The following KIF5C variants were observed in gnomAD, a reference collection of about 807,000 sequenced individuals.
KIF5C encodes the protein kinesin family member 5C, also known as kinesin heavy chain isoform 5C.
KIF5C carries 18 observed loss-of-function variants against 125.2 expected under a neutral mutation model. The observed-to-expected ratio is 0.14, with a 90% CI of 0.10 to 0.21. The LOEUF (loss-of-function observed/expected upper bound fraction) is 0.21, where lower values mean the gene tolerates loss of function less well. Ranked by LOEUF, KIF5C falls within the 10% of genes least tolerant of loss-of-function variation. The probability of loss-of-function intolerance (pLI) is 1.00; values close to 1 mark genes in which losing one functional copy is unlikely to be tolerated. For missense variants in KIF5C, 780 were observed against 1,183.8 expected (o/e 0.66, Z 5.01); for synonymous variants, 405 against 434.0 (o/e 0.93, Z 0.83).
chr2:148,908,630 C>T (rs562503134), intron 1 of KIF5C, among the ~76,000 whole-genome samples: 3 of 152,092 alleles, frequency 2.0e-5, no homozygotes, highest in South Asian at 2.1e-4. Context: ...TGGGGTCATC[C>T]GAGGATTCAG....
At chr2:148,878,028 T>C (rs1315766627) in intron 1 of KIF5C, 1 of 152,234 alleles carries the variant, frequency 6.6e-6, no homozygotes, top group East Asian at 1.9e-4. Context: ...AAGTAAGTTT[T>C]GCTCATCCTA....
intron 1 of KIF5C, among the ~76,000 whole-genome samples, chr2:148,894,169 C>T (rs1407041008): frequency 2.6e-5 from 4 of 152,198 alleles, no homozygotes; most frequent in African/African-American, 9.7e-5. Context: ...TCATTTTCCA[C>T]AGAATGAAAA....
Position 148,929,221 on chromosome 2 carries a change from C to T in KIF5C, c.218-60C>T, listed in dbSNP as rs1028920399. On this transcript the variant is annotated intron_variant, in intron 2 of 25. Coordinates refer to ENST00000435030, the MANE Select transcript of KIF5C (RefSeq NM_004522.3). ...GAAAATGTAATTTTAAAATATGCAA[C>T]CTACACCAGCATATGATCAAAGTAA... 7.7e-6 allele frequency: 8 copies of T among 1,040,098 alleles called. No individual in the cohort carries two copies. The African/African-American group carries it at 1.3e-4, about 16-fold the overall frequency. 64.4% of individuals were successfully genotyped at this position (1,040,098 alleles called of 1,614,324 possible). A position where few individuals can be genotyped will look rare whatever the true frequency, so the allele number is the denominator to read the frequency against.
intron 1 of KIF5C, among the ~76,000 whole-genome samples, chr2:148,919,508 A>G (rs1681697497): frequency 6.6e-6 from 1 of 152,218 alleles, no homozygotes; most frequent in African/African-American, 2.4e-5. Flanking sequence ...AGAAACCTTT[A>G]GCCATGGTGG....
At chr2:149,016,604 G>A (rs1179920841) in intron 25 of KIF5C, among the ~76,000 whole-genome samples, 1 of 152,194 alleles carries the variant, frequency 6.6e-6, no homozygotes, top group East Asian at 1.9e-4. Context: ...GGGAAAATCG[G>A]GGGATGAGCA....
At chr2:149,002,672 CTT>C (rs1681885741) in intron 21 of KIF5C, among the ~76,000 whole-genome samples, 2 of 151,928 alleles carry the variant, frequency 1.3e-5, no homozygotes, top group Non-Finnish European at 2.9e-5. Flanking sequence ...CCCTTGTACA[CTT>C]ACACAGATGC....
chr2:148,998,845 AAAAAG>A (rs1428225319), intron 19 of KIF5C: 74 of 147,952 alleles, frequency 5.0e-4, no homozygotes, highest in Admixed American at 1.4e-3. Flanking sequence ...AAAAAAAAAA[AAAAAG>A]AAAAGAAAAG....
intron 13 of KIF5C, among the ~76,000 whole-genome samples, chr2:148,980,197 C>T (rs184375144): frequency 3.9e-5 from 6 of 152,256 alleles, no homozygotes; most frequent in African/African-American, 1.4e-4. Flanking sequence ...AGATAATCTA[C>T]ACTTTTGTAA....
At chr2:148,918,957 T>A (rs1439463501) in intron 1 of KIF5C, among the ~76,000 whole-genome samples, 2 of 152,084 alleles carry the variant, frequency 1.3e-5, no homozygotes, top group Non-Finnish European at 2.9e-5. Flanking sequence ...GTGATAGGGT[T>A]TGGGATATAG....
chr2:148,906,365 G>A (rs1388038012), intron 1 of KIF5C, among the ~76,000 whole-genome samples: 4 of 152,140 alleles, frequency 2.6e-5, no homozygotes, highest in Admixed American at 2.6e-4. Context: ...GGAGGGAGAT[G>A]CCACAGTTGG....
At chr2:149,020,711 G>A (rs1682509204) in intron 25 of KIF5C, among the ~76,000 whole-genome samples, 1 of 152,156 alleles carries the variant, frequency 6.6e-6, no homozygotes, top group South Asian at 2.1e-4. Context: ...TCTGACCAGG[G>A]GGATAGCGTG....
chr2:148,957,993 C>T (rs1180411210), intron 10 of KIF5C, among the ~76,000 whole-genome samples: 1 of 151,276 alleles, frequency 6.6e-6, no homozygotes, highest in Non-Finnish European at 1.5e-5. Flanking sequence ...TTTCATACAG[C>T]GTTTTATCTG....
chr2:148,875,485 C>T lies in KIF5C; in HGVS notation c.-133C>T. 1.4e-6 allele frequency: 1 copy of T among 731,122 alleles called. No individual in the cohort carries two copies. Among genetic ancestry groups the T allele is most frequent in the South Asian group, 1.8e-5 (1 of 55,808 alleles). The allele number at this position is 731,122 out of a possible 1,614,324, so 45.3% of individuals were successfully genotyped here. ...CTCAGCCGGCCGGGCTCGCGATGAC[C>T]TGCTGAGAAGCGTCGTCGGAGGCTG... On this transcript the variant is annotated 5_prime_UTR_variant, in exon 1 of 26. Coordinates refer to ENST00000435030, the MANE Select transcript of KIF5C (RefSeq NM_004522.3).
intron 4 of KIF5C, 111 bp downstream of exon 4, chr2:148,937,499 T>C: frequency 1.4e-6 from 2 of 1,411,814 alleles, no homozygotes; most frequent in Non-Finnish European, 1.9e-6. Flanking sequence ...TTAAATGACA[T>C]TCTTGTGGTA....
At chr2:148,943,918 A>G (rs1682465460) in intron 7 of KIF5C, among the ~76,000 whole-genome samples, 1 of 152,216 alleles carries the variant, frequency 6.6e-6, no homozygotes, top group Non-Finnish European at 1.5e-5. Context: ...AATGTTGGTC[A>G]AGCTCCACTT....
intron 17 of KIF5C, among the ~76,000 whole-genome samples, chr2:148,996,778 C>T (rs974917849): frequency 2.0e-5 from 3 of 152,168 alleles, no homozygotes; most frequent in African/African-American, 7.2e-5. Flanking sequence ...TTTTCCTGCC[C>T]CAGATTCTTA....
intron 1 of KIF5C, among the ~76,000 whole-genome samples, chr2:148,889,435 A>T (rs748399015): frequency 2.6e-5 from 4 of 152,142 alleles, no homozygotes; most frequent in Non-Finnish European, 5.9e-5. Flanking sequence ...GGCTATATAG[A>T]GGGAGGAAGG....
At chr2:148,894,276 A>G (rs145671892) in intron 1 of KIF5C, among the ~76,000 whole-genome samples, 10 of 152,362 alleles carry the variant, frequency 6.6e-5, no homozygotes, top group Non-Finnish European at 1.2e-4. Flanking sequence ...CTAAGTACAG[A>G]AAATGATTGC....
intron 8 of KIF5C, 119 bp from the exon 9 acceptor site, chr2:148,949,720 C>T (rs952928910): frequency 7.2e-7 from 1 of 1,390,710 alleles, no homozygotes; most frequent in Non-Finnish European, 9.6e-7. Context: ...GTCTTCTCTA[C>T]TTTTATTTTT....
Sources: allele counts gnomAD v4.1 joint callset (sites outside exome capture counted in the v4.1 genomes callset), GRCh38; gene constraint gnomAD v4.1.1; transcripts MANE v1.5; gene names NCBI Gene and HGNC (gene_info 2026-07-23, HGNC 2026-07-21).